Variants in RPS6KC1 observed in about 807,000 individuals in gnomAD.
RPS6KC1 encodes ribosomal protein S6 kinase C1, also known as inactive ribosomal protein S6 kinase delta-1.
RPS6KC1 carries 54 observed loss-of-function variants against 103.8 expected under a neutral mutation model. The ratio of observed to expected loss-of-function variants is 0.52; its 90% CI spans 0.42 to 0.65. The LOEUF is 0.65. Ranked by LOEUF, RPS6KC1 falls within the 30% of genes least tolerant of loss-of-function variation. RPS6KC1 has a pLI of 0.00. For synonymous variants in RPS6KC1, 439 were observed against 438.7 expected, an observed-to-expected ratio of 1.00 and a Z score of -0.01; for missense variants, 1,151 against 1,253.8, an observed-to-expected ratio of 0.92 and a Z score of 1.24.
the RPS6KC1 span, among the ~76,000 whole-genome samples, chr1:213,739,154 T>TA: frequency 1.3e-5 from 2 of 152,184 alleles, no homozygotes; most frequent in African/African-American, 4.8e-5. Flanking sequence ...CTCCTTAGCC[T>TA]ACTCAGTGTG....
chr1:213,811,822 G>A, the RPS6KC1 span, among the ~76,000 whole-genome samples: 1 of 152,160 alleles, frequency 6.6e-6, no homozygotes, highest in Non-Finnish European at 1.5e-5. Flanking sequence ...TGCTCTGTAG[G>A]AAATGAGGAG....
At chr1:213,223,673 A>G (rs116015123) in intron 8 of RPS6KC1, among the ~76,000 whole-genome samples, 7,354 of 152,166 alleles carry the variant, frequency 0.048, 271 homozygotes, top group South Asian at 0.092. Context: ...ATAAACATGT[A>G]TATGCATGTG....
At chr1:213,626,378 C>T in the RPS6KC1 span, among the ~76,000 whole-genome samples, 4 of 152,104 alleles carry the variant, frequency 2.6e-5, no homozygotes, top group Admixed American at 1.3e-4. Flanking sequence ...CTGTAGGTTG[C>T]CTGTTCACTT....
the RPS6KC1 span, among the ~76,000 whole-genome samples, chr1:213,810,089 C>A: frequency 6.6e-6 from 1 of 152,210 alleles, no homozygotes; most frequent in African/African-American, 2.4e-5. Context: ...GATTTCTTAT[C>A]ATTGCCGTTG....
chr1:213,547,026 T>C, the RPS6KC1 span, among the ~76,000 whole-genome samples: 3 of 152,350 alleles, frequency 2.0e-5, no homozygotes, highest in South Asian at 2.1e-4. Flanking sequence ...TTGCAGACTT[T>C]CCTAGTTTTG....
At chr1:213,380,117 A>G in the RPS6KC1 span, among the ~76,000 whole-genome samples, 4 of 152,260 alleles carry the variant, frequency 2.6e-5, no homozygotes, top group Non-Finnish European at 5.9e-5. Flanking sequence ...AATGTGGTAT[A>G]TATACACTAT....
the RPS6KC1 span, among the ~76,000 whole-genome samples, chr1:213,635,454 C>T: frequency 5.8e-4 from 88 of 152,294 alleles, 1 homozygote; most frequent in African/African-American, 2.0e-3. Context: ...GGATGCAAGG[C>T]TGGTTCAACA....
At chr1:213,223,611 C>T (rs1482092217) in intron 8 of RPS6KC1, among the ~76,000 whole-genome samples, 2 of 152,026 alleles carry the variant, frequency 1.3e-5, no homozygotes, top group African/African-American at 2.4e-5. Context: ...ACTCATTGGT[C>T]GCTGGGCACT....
chr1:213,784,113 T>G, the RPS6KC1 span, among the ~76,000 whole-genome samples: 1 of 152,154 alleles, frequency 6.6e-6, no homozygotes, highest in East Asian at 1.9e-4. Context: ...CCAGCTCACT[T>G]TCACTGACTT....
the RPS6KC1 span, among the ~76,000 whole-genome samples, chr1:213,510,247 T>G: frequency 6.6e-6 from 1 of 152,244 alleles, no homozygotes; most frequent in Non-Finnish European, 1.5e-5. Context: ...TCCTCCATTA[T>G]GTACTTGTAA....
the RPS6KC1 span, among the ~76,000 whole-genome samples, chr1:213,466,900 A>G: frequency 1.3e-5 from 2 of 152,300 alleles, no homozygotes; most frequent in South Asian, 2.1e-4. Context: ...TGTCCTGTCT[A>G]CTGACTACAG....
the RPS6KC1 span, among the ~76,000 whole-genome samples, chr1:213,569,588 A>G: frequency 6.6e-6 from 1 of 151,692 alleles, no homozygotes; most frequent in Non-Finnish European, 1.5e-5. Flanking sequence ...TTTTTTCAAT[A>G]GGAGTTGGTA....
the RPS6KC1 span, among the ~76,000 whole-genome samples, chr1:213,396,110 GT>G: frequency 2.0e-5 from 3 of 152,186 alleles, no homozygotes; most frequent in Non-Finnish European, 4.4e-5. Context: ...CATGCAGTGA[GT>G]TGGAGGCTTA....
At chr1:213,143,706 C>G (rs1411233561) in intron 6 of RPS6KC1, among the ~76,000 whole-genome samples, 3 of 151,640 alleles carry the variant, frequency 2.0e-5, no homozygotes, top group Non-Finnish European at 4.4e-5. Flanking sequence ...TCTATTGGTG[C>G]TTTAACTACT....
chr1:213,358,616 T>C, the RPS6KC1 span, among the ~76,000 whole-genome samples: 1 of 152,230 alleles, frequency 6.6e-6, no homozygotes, highest in South Asian at 2.1e-4. Flanking sequence ...TGAAGGGTTT[T>C]TTGTGTCTCT....
the RPS6KC1 span, among the ~76,000 whole-genome samples, chr1:213,430,699 G>T: frequency 1.3e-5 from 2 of 152,058 alleles, no homozygotes; most frequent in Non-Finnish European, 2.9e-5. Flanking sequence ...CATCCCCCAA[G>T]CCCTGTTGTA....
In RPS6KC1 at chr1:213,241,995, CAGA is replaced by C. The variant is rs758564625; in HGVS notation, c.2525_2527del (p.Glu842del). 3.1e-5 allele frequency: 50 copies of C among 1,614,006 alleles called. 1 individual carries two copies. Among genetic ancestry groups the C allele is most frequent in the South Asian group, 4.4e-5 (4 of 91,072 alleles). On this transcript the variant is annotated inframe_deletion, in exon 11 of 15. Coordinates refer to ENST00000366960, the MANE Select transcript of RPS6KC1 (RefSeq NM_012424.6). ...ATTGCAAGCACAGACACTTTAAAAACAGAAGAAGTATTGCTGTTTACAGATCAG... is the reference window on the plus strand; with the variant it reads ...ATTGCAAGCACAGACACTTTAAAAACAGAAGTATTGCTGTTTACAGATCAG...
At chr1:213,496,280 G>A in the RPS6KC1 span, among the ~76,000 whole-genome samples, 1 of 152,122 alleles carries the variant, frequency 6.6e-6, no homozygotes, top group African/African-American at 2.4e-5. Context: ...AAAACATAAA[G>A]TGTCTCAGAA....
intron 4 of RPS6KC1, among the ~76,000 whole-genome samples, chr1:213,108,746 C>T (rs1180620147): frequency 1.3e-5 from 2 of 151,008 alleles, no homozygotes; most frequent in African/African-American, 4.9e-5. Flanking sequence ...ACCTCAAACT[C>T]TTGGGCTCAA....
Sources: allele counts gnomAD v4.1 joint callset (sites outside exome capture counted in the v4.1 genomes callset), GRCh38; gene constraint gnomAD v4.1.1; transcripts MANE v1.5; gene names NCBI Gene and HGNC (gene_info 2026-07-23, HGNC 2026-07-21).